ZC3H12B: variants seen among roughly 807,000 people sequenced by gnomAD.
The protein encoded by ZC3H12B is zinc finger CCCH-type containing 12B, also known as probable ribonuclease ZC3H12B.
A neutral mutation model predicts 43.9 loss-of-function variants in ZC3H12B; 7 were observed. The observed-to-expected ratio is 0.16, with a 90% CI of 0.09 to 0.30. The LOEUF (loss-of-function observed/expected upper bound fraction) is 0.30. Among genes scored for constraint, ZC3H12B ranks in the 10% least tolerant of loss-of-function variants. The pLI is 1.00. For missense variants in ZC3H12B, 475 were observed against 670.2 expected, an observed-to-expected ratio of 0.71 and a Z score of 3.22; for synonymous variants, 222 against 241.7, an observed-to-expected ratio of 0.92 and a Z score of 0.76.
the ZC3H12B span, among the ~76,000 whole-genome samples, chrX:65,115,735 A>G: frequency 1.4e-4 from 16 of 111,125 alleles, no homozygotes; most frequent in Admixed American, 1.4e-3. Context: ...TAATTTTTTG[A>G]TAATGACCAT....
intron 3 of ZC3H12B, among the ~76,000 whole-genome samples, chrX:65,435,887 G>A (rs759598461): frequency 8.9e-6 from 1 of 112,229 alleles, no homozygotes; most frequent in Non-Finnish European, 1.9e-5. Flanking sequence ...AAGGCTAAGT[G>A]TCTGAGAATA....
chrX:65,183,329 C>G, the ZC3H12B span, among the ~76,000 whole-genome samples: 2 of 111,570 alleles, frequency 1.8e-5, no homozygotes, highest in African/African-American at 3.3e-5. Context: ...AAAGCAAATA[C>G]CACGTGTTCT....
exon 5 of ZC3H12B, chrX:65,507,759 C>CA (rs888664047): frequency 8.9e-6 from 1 of 112,384 alleles, no homozygotes; most frequent in African/African-American, 3.2e-5. Flanking sequence ...CTCTCGCTAG[C>CA]ATGAATGTGC....
the ZC3H12B span, among the ~76,000 whole-genome samples, chrX:65,217,677 A>G: frequency 8.9e-6 from 1 of 112,204 alleles, no homozygotes; most frequent in Admixed American, 9.5e-5. Context: ...AAAATGCATC[A>G]TTGTCTTCCA....
At chrX:65,211,707 A>C in the ZC3H12B span, among the ~76,000 whole-genome samples, 8 of 87,970 alleles carry the variant, frequency 9.1e-5, no homozygotes, top group East Asian at 3.4e-4. Flanking sequence ...ATAATATATA[A>C]TATATATTAT....
chrX:65,142,213 GT>G, the ZC3H12B span, among the ~76,000 whole-genome samples: 1 of 112,139 alleles, frequency 8.9e-6, no homozygotes, highest in Non-Finnish European at 1.9e-5. Context: ...GAGTAAGGTG[GT>G]ATCACATGCT....
the ZC3H12B span, among the ~76,000 whole-genome samples, chrX:65,164,581 C>G: frequency 9.0e-6 from 1 of 111,536 alleles, no homozygotes; most frequent in Non-Finnish European, 1.9e-5. Flanking sequence ...ATCTTTGTTT[C>G]AAAGTTGAAC....
the ZC3H12B span, among the ~76,000 whole-genome samples, chrX:65,102,367 A>G: frequency 6.3e-5 from 7 of 111,952 alleles, no homozygotes; most frequent in African/African-American, 2.3e-4. Flanking sequence ...TCATCACAGT[A>G]TTGGAAGTTC....
chrX:65,212,411 T>C, the ZC3H12B span, among the ~76,000 whole-genome samples: 9 of 59,421 alleles, frequency 1.5e-4, no homozygotes, highest in Non-Finnish European at 2.4e-4. Flanking sequence ...TATATTTATA[T>C]TATATATGTA....
chrX:65,314,911 G>C, the ZC3H12B span, among the ~76,000 whole-genome samples: 2 of 110,786 alleles, frequency 1.8e-5, no homozygotes, highest in African/African-American at 6.5e-5. Context: ...TTTTATTTTA[G>C]GGGTAAAATA....
intron 3 of ZC3H12B, among the ~76,000 whole-genome samples, chrX:65,400,213 G>T (rs766503778): frequency 9.0e-6 from 1 of 111,578 alleles, no homozygotes; most frequent in Non-Finnish European, 1.9e-5. Flanking sequence ...TTATCAATGT[G>T]GTTATTGTTA....
the ZC3H12B span, among the ~76,000 whole-genome samples, chrX:65,115,650 T>A: frequency 6.3e-5 from 7 of 111,776 alleles, no homozygotes; most frequent in African/African-American, 9.7e-5. Context: ...CCGTAGTGGT[T>A]CTACCAGTTT....
the ZC3H12B span, among the ~76,000 whole-genome samples, chrX:65,343,685 T>A: frequency 1.8e-5 from 2 of 111,970 alleles, no homozygotes; most frequent in Non-Finnish European, 3.8e-5. Context: ...ATGAAAATAA[T>A]GAGCCATTTA....
the ZC3H12B span, among the ~76,000 whole-genome samples, chrX:65,226,888 C>T: frequency 9.0e-6 from 1 of 111,191 alleles, no homozygotes; most frequent in East Asian, 2.8e-4. Context: ...AAAGCAAGTC[C>T]TCAGTGACCT....
intron 3 of ZC3H12B, among the ~76,000 whole-genome samples, chrX:65,477,817 CTGTGTGTGTGTGTGTGTGTGTG>C (rs746164349): frequency 1.1e-5 from 1 of 92,986 alleles, no homozygotes; most frequent in African/African-American, 4.1e-5. Flanking sequence ...AAACATTCCT[CTGTGTGTGTGTGTGTGTGTGTG>C]TGTGTGTGTG....
chrX:65,227,246 C>T, the ZC3H12B span, among the ~76,000 whole-genome samples: 5 of 111,565 alleles, frequency 4.5e-5, no homozygotes. Flanking sequence ...AACCGCTCAA[C>T]TACATGGAAA....
intron 3 of ZC3H12B, among the ~76,000 whole-genome samples, chrX:65,406,566 A>AGCGGGGCTGAG (rs1569396762): frequency 1.2e-3 from 104 of 88,210 alleles, no homozygotes; most frequent in African/African-American, 4.3e-3. Context: ...TCGGGGCTGA[A>AGCGGGGCTGAG]CGGGGCTGGG....
chrX:65,494,324 G>A (rs2068246853), intron 1 of ZC3H12B, among the ~76,000 whole-genome samples: 2 of 110,492 alleles, frequency 1.8e-5, no homozygotes, highest in Non-Finnish European at 3.8e-5. Context: ...ATAGCTCACT[G>A]TGACCTCAAA....
chrX:65,304,549 G>A, the ZC3H12B span, among the ~76,000 whole-genome samples: 4 of 108,214 alleles, frequency 3.7e-5, no homozygotes, highest in Admixed American at 3.9e-4. Context: ...CCGGGAGGCG[G>A]AGCTTGCAGT....
Sources: allele counts gnomAD v4.1 joint callset (sites outside exome capture counted in the v4.1 genomes callset), GRCh38; gene constraint gnomAD v4.1.1; transcripts MANE v1.5; gene names NCBI Gene and HGNC (gene_info 2026-07-23, HGNC 2026-07-21).